The following SEMA5A variants were observed in gnomAD, a reference collection of about 807,000 sequenced individuals.
SEMA5A encodes semaphorin 5A.
SEMA5A carries 55 observed loss-of-function variants against 135.5 expected under a neutral mutation model. The observed-to-expected ratio is 0.41, with a 90% confidence interval of 0.33 to 0.51. The LOEUF is 0.51. Ranked by LOEUF, SEMA5A falls within the 20% of genes least tolerant of loss-of-function variation. The pLI is 0.37. For missense variants in SEMA5A, 1,290 were observed against 1,419.9 expected (o/e 0.91, Z 1.47); for synonymous variants, 580 against 546.5 (o/e 1.06, Z -0.85).
At chr5:9,254,740 C>G (rs543264738) in intron 5 of SEMA5A, among the ~76,000 whole-genome samples, 1 of 152,144 alleles carries the variant, frequency 6.6e-6, no homozygotes, top group African/African-American at 2.4e-5. Context: ...GCATTATAAA[C>G]AACTGCCCAA....
At chr5:9,389,785 T>C (rs1756070885) in intron 2 of SEMA5A, among the ~76,000 whole-genome samples, 1 of 152,238 alleles carries the variant, frequency 6.6e-6, no homozygotes, top group African/African-American at 2.4e-5. Flanking sequence ...GAGCCTTCTA[T>C]GAATTTTTTC....
At chr5:9,388,948 C>T (rs1191577256) in intron 2 of SEMA5A, among the ~76,000 whole-genome samples, 1 of 152,064 alleles carries the variant, frequency 6.6e-6, no homozygotes, top group Non-Finnish European at 1.5e-5. Context: ...GCACCATTTT[C>T]TCTTTCGTCC....
intron 1 of SEMA5A, among the ~76,000 whole-genome samples, chr5:9,442,239 G>A (rs1249961741): frequency 6.6e-6 from 1 of 152,224 alleles, no homozygotes; most frequent in Non-Finnish European, 1.5e-5. Flanking sequence ...GAGGGCTTGG[G>A]CCTCTCTGGA....
intron 1 of SEMA5A, among the ~76,000 whole-genome samples, chr5:9,443,869 G>A (rs1758330040): frequency 6.6e-6 from 1 of 152,226 alleles, no homozygotes; most frequent in Non-Finnish European, 1.5e-5. Context: ...AAAAGGAAAA[G>A]CAAAATGCAC....
chr5:9,345,218 A>G (rs756602056), intron 3 of SEMA5A, among the ~76,000 whole-genome samples: 1 of 152,210 alleles, frequency 6.6e-6, no homozygotes, highest in Non-Finnish European at 1.5e-5. Context: ...TCTGCTTCCT[A>G]ACATTCCTCT....
chr5:9,343,045 C>T (rs1753718599), intron 3 of SEMA5A, among the ~76,000 whole-genome samples: 1 of 152,198 alleles, frequency 6.6e-6, no homozygotes, highest in African/African-American at 2.4e-5. Flanking sequence ...AGCAAAATCA[C>T]TACGCACTCA....
At chr5:9,199,308 G>A (rs1745578976) in intron 9 of SEMA5A, among the ~76,000 whole-genome samples, 1 of 152,120 alleles carries the variant, frequency 6.6e-6, no homozygotes, top group Non-Finnish European at 1.5e-5. Context: ...CCATCCCCTG[G>A]GGAGCACAAT....
At chr5:9,514,516 G>A (rs1442253607) in intron 1 of SEMA5A, among the ~76,000 whole-genome samples, 1 of 152,204 alleles carries the variant, frequency 6.6e-6, no homozygotes, top group African/African-American at 2.4e-5. Flanking sequence ...AGATGCTCAT[G>A]TCCCTGATAT....
intron 1 of SEMA5A, among the ~76,000 whole-genome samples, chr5:9,456,842 A>G (rs143403143): frequency 0.011 from 1,630 of 152,334 alleles, 18 homozygotes; most frequent in Non-Finnish European, 0.014. Flanking sequence ...TGTTTAAATG[A>G]CAACAGAGAG....
At chr5:9,225,191 T>C (rs1353682604) in intron 7 of SEMA5A, among the ~76,000 whole-genome samples, 1 of 152,000 alleles carries the variant, frequency 6.6e-6, no homozygotes, top group Non-Finnish European at 1.5e-5. Context: ...TGCACAAGTA[T>C]TGCATACTTT....
chr5:9,083,725 C>A (rs755749290), intron 16 of SEMA5A, among the ~76,000 whole-genome samples: 3 of 152,068 alleles, frequency 2.0e-5, no homozygotes, highest in Non-Finnish European at 1.5e-5. Flanking sequence ...GAAAATAAAC[C>A]CATGAAGTTT....
At chr5:9,499,776 C>T (rs1735487199) in intron 1 of SEMA5A, among the ~76,000 whole-genome samples, 1 of 152,102 alleles carries the variant, frequency 6.6e-6, no homozygotes, top group South Asian at 2.1e-4. Context: ...TTCAAAGTGT[C>T]CCAGTCTGGT....
chr5:9,181,427 C>G, intron 11 of SEMA5A, among the ~76,000 whole-genome samples: 1 of 152,100 alleles, frequency 6.6e-6, no homozygotes, highest in East Asian at 1.9e-4. Flanking sequence ...CAGGTGCTGC[C>G]CTTAGAAACT....
intron 2 of SEMA5A, among the ~76,000 whole-genome samples, chr5:9,435,479 G>A (rs541638007): frequency 1.1e-3 from 164 of 152,258 alleles, no homozygotes; most frequent in African/African-American, 2.1e-3. Context: ...AACATCAAAT[G>A]TCCTTATTCT....
intron 8 of SEMA5A, 78 bp downstream of exon 8, chr5:9,224,596 G>T: frequency 8.1e-7 from 1 of 1,240,656 alleles, no homozygotes. Context: ...TTAGAGTGTT[G>T]TAGTTTGCTT....
At chr5:9,518,424 T>C (rs1736641988) in intron 1 of SEMA5A, among the ~76,000 whole-genome samples, 1 of 152,202 alleles carries the variant, frequency 6.6e-6, no homozygotes, top group Non-Finnish European at 1.5e-5. Context: ...TCTAAAACAC[T>C]TAATTTACAC....
chr5:9,538,412 A>G (rs867538243), intron 1 of SEMA5A, among the ~76,000 whole-genome samples: 2 of 152,160 alleles, frequency 1.3e-5, no homozygotes, highest in Non-Finnish European at 1.5e-5. Flanking sequence ...TTGCTAAGAA[A>G]GTGTACAAGG....
chr5:9,504,240 C>A (rs865970881), intron 1 of SEMA5A, among the ~76,000 whole-genome samples: 2,725 of 130,900 alleles, frequency 0.021, 82 homozygotes, highest in African/African-American at 0.066. Flanking sequence ...AAAAAAAAAA[C>A]AAAAGAAAAG....
chr5:9,472,289 A>C (rs887716223), intron 1 of SEMA5A, among the ~76,000 whole-genome samples: 2 of 152,042 alleles, frequency 1.3e-5, no homozygotes, highest in African/African-American at 4.8e-5. Flanking sequence ...GCCTCATGAC[A>C]CTTTTGAGCA....
Sources: allele counts gnomAD v4.1 joint callset (sites outside exome capture counted in the v4.1 genomes callset), GRCh38; gene constraint gnomAD v4.1.1; transcripts MANE v1.5; gene names NCBI Gene and HGNC (gene_info 2026-07-23, HGNC 2026-07-21).